VARS1: variants seen among roughly 807,000 people sequenced by gnomAD.
VARS1 encodes the protein valyl-tRNA synthetase 1.
Under a neutral mutation model 161.0 loss-of-function variants are expected in VARS1, and 92 were observed. The ratio of observed to expected loss-of-function variants is 0.57; its 90% CI spans 0.48 to 0.68. The LOEUF (loss-of-function observed/expected upper bound fraction) is 0.68. Ranked by LOEUF, VARS1 falls within the 30% of genes least tolerant of loss-of-function variation. VARS1 has a pLI of 0.00. For missense variants in VARS1, 1,338 were observed against 1,695.9 expected (o/e 0.79, Z 3.71); for synonymous variants, 595 against 682.5 (o/e 0.87, Z 2.00).
Position 31,785,460 on chromosome 6 carries a change from C to T in VARS1, c.1265+109G>A. 1 of 1,526,818 alleles carries T rather than the reference C, an allele frequency of 6.5e-7. No individual in the cohort carries two copies. The highest frequency in any genetic ancestry group is 1.2e-5 in the South Asian group (1 of 81,762). The allele number at this position is 1,526,818 out of a possible 1,614,324, so 94.6% of individuals were successfully genotyped here. ...GCCCTAGAGCCAACTGACTCTGCCT[C>T]TGTGGGAGGGTCTGACCCTGTGGCC... On this transcript the variant is annotated intron_variant, in intron 9 of 29. Coordinates refer to ENST00000375663, the MANE Select transcript of VARS1 (RefSeq NM_006295.3). This position sits in a 1 kb window ranked among gnomAD's most constrained non-coding sequence, Gnocchi z 6.1.
rs1562318331 is a variant in VARS1 at position 31,795,268 on chromosome 6, CAG to C, written c.-33-20_-33-19del. Reference sequence around the variant, plus strand: ...GGAAAAACCTAAGGAGAAAGAGAGACAGGGGAAGACTGCGGGATCGAGGTGGG... The same window carrying C: ...GGAAAAACCTAAGGAGAAAGAGAGACGGGAAGACTGCGGGATCGAGGTGGG... On this transcript the variant is annotated intron_variant, in intron 1 of 29. Coordinates refer to ENST00000375663, the MANE Select transcript of VARS1 (RefSeq NM_006295.3). The surrounding 1 kb of genome is among the most constrained non-coding windows in gnomAD (Gnocchi z 6.9). The C allele has an allele frequency of 2.2e-6, 3 of 1,366,684 alleles. No individual in the cohort carries two copies. Among genetic ancestry groups the C allele is most frequent in the South Asian group, 2.2e-5 (1 of 45,668 alleles). The allele number at this position is 1,366,684 out of a possible 1,614,324, so 84.7% of individuals were successfully genotyped here. A position where few individuals can be genotyped will look rare whatever the true frequency, so the allele number is the denominator to read the frequency against.
chr6:31,788,759 A>G (rs1813683942), intron 8 of VARS1, among the ~76,000 whole-genome samples: 2 of 151,984 alleles, frequency 1.3e-5, no homozygotes, highest in South Asian at 4.1e-4. Context: ...CAGTGAGCCA[A>G]GATTGCGCCA....
In VARS1 at chr6:31,778,911, C is replaced by T; in HGVS notation, c.3726+56G>A. The T allele has an allele frequency of 6.2e-7, 1 of 1,609,064 alleles. No individual in the cohort carries two copies. Among genetic ancestry groups the T allele is most frequent in the Non-Finnish European group, 8.5e-7 (1 of 1,176,986 alleles). On this transcript the variant is annotated intron_variant, in intron 29 of 29. Transcript: ENST00000375663. This position sits in a 1 kb window ranked among gnomAD's most constrained non-coding sequence, Gnocchi z 5.1. ...CCACTGCACTCGGACCAGCCCAGAC[C>T]AGGGTTTTGATGGAGGAAGGGGATG...
At position 31,781,393 on chromosome 6, in the gene VARS1, T is replaced by C. The variant is rs1813132593; in HGVS notation, c.2544+88A>G. ...TCAGGCCTGCCCACAGCTAACCCCA[T>C]GCCCCAGCCACGCGGGGTCTGCGCT... On this transcript the variant is annotated intron_variant, in intron 21 of 29. Transcript: ENST00000375663. This position sits in a 1 kb window ranked among gnomAD's most constrained non-coding sequence, Gnocchi z 6.8. 6 of 1,535,632 alleles carry C rather than the reference T, an allele frequency of 3.9e-6. No individual in the cohort carries two copies. Among genetic ancestry groups the C allele is most frequent in the African/African-American group, 1.4e-5 (1 of 73,430 alleles).
rs997607002 is a variant in VARS1 at position 31,792,763 on chromosome 6, G to T, written c.655C>A (p.Gln219Lys). ...LYSGARPLSH[Q>K]PGPEAPALPK... Reference sequence around the variant, plus strand: ...ACTCCTCGCCCTTCCTCACCTGGCTGATGAGAGAGAGGCCTGGCTCCTGAG... The same window carrying T: ...ACTCCTCGCCCTTCCTCACCTGGCTTATGAGAGAGAGGCCTGGCTCCTGAG... Residue 219 changes from glutamine to lysine, a missense_variant, in exon 4 of 30, where the codon CAG (glutamine) becomes AAG (lysine). Coordinates refer to ENST00000375663, the MANE Select transcript of VARS1 (RefSeq NM_006295.3). 34 of 1,614,168 alleles carry T rather than the reference G, an allele frequency of 2.1e-5. No homozygotes were observed. The highest frequency in any genetic ancestry group is 2.8e-5 in the Non-Finnish European group (33 of 1,180,028).
Position 31,780,344 on chromosome 6 carries a change from C to T in VARS1, c.2925+97G>A. The T allele has an allele frequency of 1.9e-6, 3 of 1,550,060 alleles. No homozygotes were observed. The highest frequency in any genetic ancestry group is 2.6e-6 in the Non-Finnish European group (3 of 1,148,104). ...GGGCTTTCCCTTTAACTGTCTGTCT[C>T]TGTGTCTATCTGTCCCCCCAGCTAC... On this transcript the variant is annotated intron_variant, in intron 25 of 29. Coordinates refer to ENST00000375663, the MANE Select transcript of VARS1 (RefSeq NM_006295.3). The surrounding 1 kb of genome is among the most constrained non-coding windows in gnomAD (Gnocchi z 5.1).
chr6:31,783,255 AG>A, intron 13 of VARS1, 69 bp from the exon 14 acceptor site: 1 of 1,538,790 alleles, frequency 6.5e-7, no homozygotes, highest in Non-Finnish European at 8.9e-7. Context: ...CTGTAATCCC[AG>A]AACTTTGGGA....
Position 31,791,742 on chromosome 6 carries a change from T to A in VARS1, c.973-5A>T, listed in dbSNP as rs1562312153. 1.2e-6 allele frequency: 2 copies of A among 1,613,006 alleles called. No homozygotes were observed. Among genetic ancestry groups the A allele is most frequent in the Middle Eastern group, 1.6e-4 (1 of 6,062 alleles). On this transcript the variant is annotated splice_polypyrimidine_tract_variant and splice_region_variant and intron_variant, in intron 7 of 29. Coordinates refer to ENST00000375663, the MANE Select transcript of VARS1 (RefSeq NM_006295.3). This position sits in a 1 kb window ranked among gnomAD's most constrained non-coding sequence, Gnocchi z 5.0. ...TGCTGCTGACACATTAGGACGCTGA[T>A]GGTGGAGAAGGATGGCACATGTTTA...
In VARS1 at chr6:31,779,173, G is replaced by C; in HGVS notation, c.3520C>G (p.Gln1174Glu). 3.7e-6 allele frequency: 6 copies of C among 1,604,940 alleles called. No individual in the cohort carries two copies. Among genetic ancestry groups the C allele is most frequent in the Non-Finnish European group, 3.4e-6 (4 of 1,176,988 alleles). The stretch of plus-strand genomic sequence containing the variant: ...GAAGCCAGAGCCACAGCGCAACCCT[G>C]GGGGGCGGGAGCCCCCAGGGCCAGA... ...AVLALGAPAP[Q>E]GCAVALASDR... Residue 1174 changes from glutamine to glutamate, a missense_variant, in exon 29 of 30, where the codon CAG (glutamine) becomes GAG (glutamate). Physicochemically the swap from Gln to Glu is conservative, Grantham distance 29. Coordinates refer to ENST00000375663, the MANE Select transcript of VARS1 (RefSeq NM_006295.3). The surrounding 1 kb of genome is among the most constrained non-coding windows in gnomAD (Gnocchi z 9.1).
chr6:31,794,108 AAAAG>A (rs1345596298), intron 2 of VARS1, among the ~76,000 whole-genome samples: 58 of 151,574 alleles, frequency 3.8e-4, no homozygotes, highest in African/African-American at 1.2e-3. Flanking sequence ...AAAAAAAAAA[AAAAG>A]AAAAGAAAAG....
rs767102795 is a variant in VARS1, at chr6:31,785,559, G to A, written c.1265+10C>T. ...GGGCTGCGATGCCCACAGGGATGCT[G>A]CATACTCACTCCTCCTTCCACTTCC... On this transcript the variant is annotated intron_variant, in intron 9 of 29. Coordinates refer to ENST00000375663, the MANE Select transcript of VARS1 (RefSeq NM_006295.3). The surrounding 1 kb of genome is among the most constrained non-coding windows in gnomAD (Gnocchi z 6.1). 4 of 1,597,514 alleles carry A rather than the reference G, an allele frequency of 2.5e-6. No homozygotes were observed. The Admixed American group carries it at 7.0e-5, about 28-fold the overall frequency.
chr6:31,795,336 T>G lies in VARS1; in HGVS notation c.-33-86A>C. 3 of 971,594 alleles carry G rather than the reference T, an allele frequency of 3.1e-6. No individual in the cohort carries two copies. Among genetic ancestry groups the G allele is most frequent in the Middle Eastern group, 3.5e-4 (1 of 2,886 alleles). 60.2% of individuals were successfully genotyped at this position (971,594 alleles called of 1,614,324 possible). ...GAGAGGGGACCCTCACGGGAGCTCC[T>G]TCGCCGCAGACACCCGAGTCCCATA... On this transcript the variant is annotated intron_variant, in intron 1 of 29. Coordinates refer to ENST00000375663, the MANE Select transcript of VARS1 (RefSeq NM_006295.3). This position sits in a 1 kb window ranked among gnomAD's most constrained non-coding sequence, Gnocchi z 6.9.
rs894428156 is a variant in VARS1 at position 31,791,793 on chromosome 6, C to T, written c.973-56G>A. The T allele has an allele frequency of 3.7e-6, 6 of 1,612,920 alleles. No individual in the cohort carries two copies. The Admixed American group carries it at 5.0e-5, about 13-fold the overall frequency. On this transcript the variant is annotated intron_variant, in intron 7 of 29. Coordinates refer to ENST00000375663, the MANE Select transcript of VARS1 (RefSeq NM_006295.3). The surrounding 1 kb of genome is among the most constrained non-coding windows in gnomAD (Gnocchi z 5.0). ...AGGCCTCAGGTCACCTCTCCCAGCC[C>T]CTCCCAGGCAACACATCCTTCAGTC...
chr6:31,783,228 G>A, intron 13 of VARS1, 42 bp from the exon 14 acceptor site: 1 of 1,590,170 alleles, frequency 6.3e-7, no homozygotes, highest in Non-Finnish European at 8.6e-7. Context: ...AGCAGGGCCA[G>A]ACGCCGTGAT....
chr6:31,780,468 C>G lies in VARS1; in HGVS notation c.2898G>C (p.Lys966Asn). The G allele has an allele frequency of 1.2e-6, 2 of 1,613,890 alleles. No homozygotes were observed. The highest frequency in any genetic ancestry group is 1.7e-6 in the Non-Finnish European group (2 of 1,179,942). The change falls in exon 25 of 30, where the codon AAG (lysine) becomes AAC (asparagine). Residue 966 changes from lysine (K) to asparagine (N), a missense_variant. Transcript: ENST00000375663. This position sits in a 1 kb window ranked among gnomAD's most constrained non-coding sequence, Gnocchi z 5.1. ...ATKFALRGLGKGFVPSPTSQP... is the reference protein window; with the variant it reads ...ATKFALRGLGNGFVPSPTSQP... ...GGGAGGTGGGTGAGGGCACAAAACC[C>G]TTCCCAAGGCCACGAAGGGCAAACT...
rs371198196 is a variant in VARS1 at position 31,777,564 on chromosome 6, T to C, written c.*30A>G. On this transcript the variant is annotated 3_prime_UTR_variant, in exon 30 of 30. Coordinates refer to ENST00000375663, the MANE Select transcript of VARS1 (RefSeq NM_006295.3). The surrounding 1 kb of genome is among the most constrained non-coding windows in gnomAD (Gnocchi z 5.8). ...TGCTGCCATCCCCATGGTGAGCCGC[T>C]GGGGGTGAGGGGTGAAGCTGGGTGG... The C allele has an allele frequency of 2.7e-5, 43 of 1,613,666 alleles. No individual in the cohort carries two copies. Among genetic ancestry groups the C allele is most frequent in the African/African-American group, 2.5e-4 (19 of 74,902 alleles).
rs765048516 is a variant in VARS1, at chr6:31,781,445, C to A, written c.2544+36G>T. Reference sequence around the variant, plus strand: ...CAGCACAGGACGGTAGGAGAGGAGGCTGGGGGCGATGGGAGGGTCTCGGCT... The same window carrying A: ...CAGCACAGGACGGTAGGAGAGGAGGATGGGGGCGATGGGAGGGTCTCGGCT... On this transcript the variant is annotated intron_variant, in intron 21 of 29. Coordinates refer to ENST00000375663, the MANE Select transcript of VARS1 (RefSeq NM_006295.3). The surrounding 1 kb of genome is among the most constrained non-coding windows in gnomAD (Gnocchi z 6.8). 1 of 1,605,652 alleles carries A rather than the reference C, an allele frequency of 6.2e-7. No individual in the cohort carries two copies. The highest frequency in any genetic ancestry group is 8.5e-7 in the Non-Finnish European group (1 of 1,177,772).
Position 31,779,698 on chromosome 6 carries a change from G to A in VARS1, c.3198C>T (p.Phe1066=), listed in dbSNP as rs756955325. 26 of 1,612,910 alleles carry A rather than the reference G, an allele frequency of 1.6e-5. No individual in the cohort carries two copies. In the South Asian group the frequency reaches 1.6e-4, roughly 10 times the overall value. The change falls in exon 27 of 30, where the codon TTC becomes TTT. Residue 1066 remains phenylalanine (F), a synonymous_variant. Coordinates refer to ENST00000375663, the MANE Select transcript of VARS1 (RefSeq NM_006295.3). The surrounding 1 kb of genome is among the most constrained non-coding windows in gnomAD (Gnocchi z 9.1). Reference sequence around the variant, plus strand: ...GCCTCTGGAACAGCTCCTCCGTCACGAAGGGCATGAAGGGTGAGAGCAGCC... The same window carrying A: ...GCCTCTGGAACAGCTCCTCCGTCACAAAGGGCATGAAGGGTGAGAGCAGCC... The part of the protein sequence containing the change: ...GLRLLSPFMP[F]VTEELFQRLP...
Position 31,794,921 on chromosome 6 carries a change from C to G in VARS1, c.297G>C (p.Trp99Cys), listed in dbSNP as rs777278429. ...TTAACTCCGTGTCGGCGTAACTGACCCACTGTTGGACAAGGACAGCCGCCC... is the reference window on the plus strand; with the variant it reads ...TTAACTCCGTGTCGGCGTAACTGACGCACTGTTGGACAAGGACAGCCGCCC... ...GSRAAVLVQQ[W>C]VSYADTELIP... The change falls in exon 2 of 30, where the codon TGG (tryptophan) becomes TGC (cysteine). Residue 99 changes from tryptophan to cysteine, a missense_variant. By Grantham distance (215) the Trp-to-Cys change is radical (BLOSUM62 -2). This residue lies in a region of VARS1 where 902 missense variants were observed against 1,090.3 expected (regional missense o/e 0.83). Transcript: ENST00000375663. 2 of 1,612,772 alleles carry G rather than the reference C, an allele frequency of 1.2e-6. No homozygotes were observed. Among genetic ancestry groups the G allele is most frequent in the African/African-American group, 2.7e-5 (2 of 74,914 alleles).
Sources: gnomAD v4.1 joint callset for allele counts (sites outside exome capture counted in the v4.1 genomes callset) on GRCh38, gnomAD v4.1.1 for gene constraint, gnomAD v4.1.1 regional missense constraint, Gnocchi (gnomAD v3.1) non-coding constraint, MANE v1.5 for transcripts, NCBI Gene and HGNC (gene_info 2026-07-23, HGNC 2026-07-21) for gene names.